PLXNA4: variants seen among roughly 807,000 people sequenced by gnomAD.
The protein encoded by PLXNA4 is plexin A4.
In PLXNA4, 44 loss-of-function variants were observed where a neutral mutation model predicts 191.8. That is an observed-to-expected ratio of 0.23 (90% CI 0.18 to 0.29). The LOEUF is 0.29. Among genes scored for constraint, PLXNA4 ranks in the 10% least tolerant of loss-of-function variants. PLXNA4 has a pLI of 1.00. For missense variants in PLXNA4, 1,800 were observed against 2,488.8 expected (o/e 0.72, Z 5.89); for synonymous variants, 1,082 against 1,009.5 (o/e 1.07, Z -1.36).
At chr7:132,552,620 C>T (rs1243353573) in intron 1 of PLXNA4, among the ~76,000 whole-genome samples, 2 of 152,190 alleles carry the variant, frequency 1.3e-5, no homozygotes, top group African/African-American at 4.8e-5. Context: ...TGTGAGGTTT[C>T]CAGCTGAAGT....
At position 132,507,523 on chromosome 7, in the gene PLXNA4, T is replaced by C. The variant is rs774581104; in HGVS notation, c.1171A>G (p.Ile391Val). ...GTACTCACCGCACTGCTGCAGGGGA[T>C]GTCCTTCACCTTGAGCCAGGCCAGG... ...LDLAWLKVKD[I>V]PCSSALLTID... is the part of the protein sequence containing the mutation. The change falls in exon 2 of 32, where the codon ATC (isoleucine) becomes GTC (valine). Residue 391 changes from isoleucine (I) to valine (V), a missense_variant. Ile to Val is a conservative substitution (Grantham distance 29). Around this residue, in one of 6 missense-constraint regions of PLXNA4, gnomAD observed 1,397 missense variants for 1,880.4 expected, o/e 0.74. Transcript: ENST00000321063. The C allele has an allele frequency of 6.2e-7, 1 of 1,612,292 alleles. No individual in the cohort carries two copies.
At chr7:132,142,630 A>T (rs182842210) in intron 29 of PLXNA4, among the ~76,000 whole-genome samples, 1 of 152,298 alleles carries the variant, frequency 6.6e-6, no homozygotes, top group Admixed American at 6.5e-5. Flanking sequence ...AGGTCTGAAA[A>T]TGTTTGGCGG....
intron 3 of PLXNA4, among the ~76,000 whole-genome samples, chr7:132,351,560 A>T (rs1373986955): frequency 6.6e-6 from 1 of 152,224 alleles, no homozygotes; most frequent in Non-Finnish European, 1.5e-5. Flanking sequence ...GAAAGCGATG[A>T]GTCCTTTCTC....
intron 3 of PLXNA4, among the ~76,000 whole-genome samples, chr7:132,323,263 G>C (rs1476707385): frequency 6.6e-6 from 1 of 152,232 alleles, no homozygotes; most frequent in Non-Finnish European, 1.5e-5. Context: ...AGATGCCCTG[G>C]TGGGCACAGG....
At chr7:132,469,304 C>T (rs1796840408) in intron 3 of PLXNA4, among the ~76,000 whole-genome samples, 1 of 152,264 alleles carries the variant, frequency 6.6e-6, no homozygotes, top group South Asian at 2.1e-4. Context: ...AAAATCCTCA[C>T]CTTGCAGGGT....
At position 132,130,528 on chromosome 7, in the gene PLXNA4, A is replaced by C. The variant is rs1296546484; in HGVS notation, c.5636T>G (p.Leu1879Arg). The C allele has an allele frequency of 6.2e-7, 1 of 1,614,044 alleles. No individual in the cohort carries two copies. The highest frequency in any genetic ancestry group is 1.3e-5 in the African/African-American group (1 of 74,922). The part of the protein sequence containing the change: ...DHDDQCGKQK[L>R]AYKLEQVITL... ...TATGACTTGTTCTAGTTTGTAGGCC[A>C]GTTTCTGCTTCCCACACTGGTCATC... is the stretch of plus-strand genomic sequence containing the variant. Residue 1879 changes from leucine (L) to arginine (R), a missense_variant, in exon 32 of 32, where the codon CTG becomes CGG. Leu to Arg is a moderately radical substitution (Grantham distance 102). Coordinates refer to ENST00000321063, the MANE Select transcript of PLXNA4 (RefSeq NM_020911.2).
At chr7:132,386,516 G>A (rs181427833) in intron 3 of PLXNA4, among the ~76,000 whole-genome samples, 15 of 152,290 alleles carry the variant, frequency 9.8e-5, no homozygotes, top group African/African-American at 3.6e-4. Flanking sequence ...TGGGGCAGGT[G>A]GTACTACATT....
chr7:132,153,493 G>T (rs1487412196), intron 25 of PLXNA4, among the ~76,000 whole-genome samples: 1 of 152,160 alleles, frequency 6.6e-6, no homozygotes, highest in Admixed American at 6.5e-5. Context: ...AGTGGGGCAG[G>T]GGTGTGGGTT....
intron 31 of PLXNA4, among the ~76,000 whole-genome samples, chr7:132,131,003 C>T (rs1794910567): frequency 6.6e-6 from 1 of 152,090 alleles, no homozygotes; most frequent in South Asian, 2.1e-4. Context: ...TTAAGACATC[C>T]CACCCTTCCT....
At chr7:132,341,545 C>T (rs1330542789) in intron 3 of PLXNA4, among the ~76,000 whole-genome samples, 2 of 152,214 alleles carry the variant, frequency 1.3e-5, no homozygotes, top group Non-Finnish European at 1.5e-5. Flanking sequence ...TGCCTTCCTG[C>T]ATGGACCAGA....
intron 3 of PLXNA4, among the ~76,000 whole-genome samples, chr7:132,332,691 A>C (rs1802638847): frequency 6.6e-6 from 1 of 151,944 alleles, no homozygotes; most frequent in African/African-American, 2.4e-5. Flanking sequence ...TCTAAAAAAA[A>C]AAAAATACAA....
Position 132,151,607 on chromosome 7 carries a change from G to C in PLXNA4, c.4661-2961C>G, listed in dbSNP as rs1376175080. ...GGAGGAGAAAGGAGGAGAGGGAGAG[G>C]GAGGGGGAGAAGGGGAAGGAGAGGA... On this transcript the variant is annotated intron_variant, in intron 25 of 31. Coordinates refer to ENST00000321063, the MANE Select transcript of PLXNA4 (RefSeq NM_020911.2). 4.7e-5 allele frequency among the ~76,000 whole-genome samples: 7 copies of C among 149,750 alleles called. 1 individual carries two copies. The highest frequency in any genetic ancestry group is 1.0e-4 in the Non-Finnish European group (7 of 67,386).
At chr7:132,418,334 A>G (rs537078563) in intron 3 of PLXNA4, among the ~76,000 whole-genome samples, 1 of 152,026 alleles carries the variant, frequency 6.6e-6, no homozygotes, top group South Asian at 2.1e-4. Flanking sequence ...ATTCACCTCA[A>G]ATTTTTGGAG....
rs115744947 is a variant in PLXNA4 at position 132,393,001 on chromosome 7, G to A, written c.1372-94779C>T. Among the ~76,000 whole-genome samples, 1,036 of 152,184 alleles carry A rather than the reference G, an allele frequency of 6.8e-3. 12 individuals carry two copies. Among genetic ancestry groups the A allele is most frequent in the African/African-American group, 0.024 (1,007 of 41,512 alleles). ...GCTTCACAGCTTCCTCTGCAGCCAC[G>A]CCTTACCCCATCCCACCCTACCCCA... On this transcript the variant is annotated intron_variant, in intron 3 of 31. Transcript: ENST00000321063.
intron 3 of PLXNA4, among the ~76,000 whole-genome samples, chr7:132,334,170 A>G (rs1802713421): frequency 6.6e-6 from 1 of 151,860 alleles, no homozygotes; most frequent in Non-Finnish European, 1.5e-5. Context: ...TTGCACAGAG[A>G]AGTCTCATGA....
chr7:132,250,094 A>G (rs1238540172), intron 4 of PLXNA4, among the ~76,000 whole-genome samples: 1 of 152,216 alleles, frequency 6.6e-6, no homozygotes. Flanking sequence ...ATCTGCCACC[A>G]CTGTGTGACT....
intron 3 of PLXNA4, among the ~76,000 whole-genome samples, chr7:132,415,512 T>C (rs116971927): frequency 0.013 from 1,965 of 152,212 alleles, 90 homozygotes; most frequent in Admixed American, 0.082. Flanking sequence ...ATGATACACA[T>C]GTGGGCCCTG....
chr7:132,316,156 C>T (rs1367998350), intron 3 of PLXNA4, among the ~76,000 whole-genome samples: 2 of 152,180 alleles, frequency 1.3e-5, no homozygotes, highest in Non-Finnish European at 2.9e-5. Flanking sequence ...TGAACGCCCA[C>T]TTATTGCCTC....
chr7:132,420,511 C>T (rs1311386223), intron 3 of PLXNA4, among the ~76,000 whole-genome samples: 1 of 152,200 alleles, frequency 6.6e-6, no homozygotes, highest in Non-Finnish European at 1.5e-5. Context: ...TCCCACCTGC[C>T]CCACAGGTGC....
Sources: allele counts gnomAD v4.1 joint callset (sites outside exome capture counted in the v4.1 genomes callset), GRCh38; gene constraint gnomAD v4.1.1; regional missense constraint gnomAD v4.1.1; transcripts MANE v1.5; gene names NCBI Gene and HGNC (gene_info 2026-07-23, HGNC 2026-07-21).